Variants in ARHGEF7 observed in about 807,000 individuals in gnomAD.
The protein encoded by ARHGEF7 is Rho guanine nucleotide exchange factor 7.
ARHGEF7 carries 33 observed loss-of-function variants against 109.8 expected under a neutral mutation model. That is an observed-to-expected ratio of 0.30 (90% confidence interval 0.23 to 0.40). ARHGEF7 has a LOEUF of 0.40. Among genes scored for constraint, ARHGEF7 ranks in the 10% least tolerant of loss-of-function variants. The pLI is 1.00. For synonymous variants in ARHGEF7, 458 were observed against 424.6 expected (o/e 1.08, Z -0.97); for missense variants, 938 against 1,098.5 (o/e 0.85, Z 2.07).
At chr13:111,130,460 C>T (rs1268890067) in intron 1 of ARHGEF7, among the ~76,000 whole-genome samples, 3 of 152,080 alleles carry the variant, frequency 2.0e-5, no homozygotes, top group Admixed American at 6.5e-5. Context: ...TGAACCTAAT[C>T]GTGAATTTAG....
chr13:111,256,660 C>A (rs1352022905), intron 8 of ARHGEF7, among the ~76,000 whole-genome samples: 2 of 152,202 alleles, frequency 1.3e-5, no homozygotes, highest in African/African-American at 2.4e-5. Flanking sequence ...CTTCGTATTA[C>A]CCACCTGTTG....
chr13:111,256,917 C>T (rs1316097382), intron 8 of ARHGEF7, among the ~76,000 whole-genome samples: 9 of 152,264 alleles, frequency 5.9e-5, no homozygotes, highest in East Asian at 1.9e-4. Context: ...GGGGTGACAC[C>T]GCTTTATTCA....
At chr13:111,136,858 A>C (rs988630728) in intron 1 of ARHGEF7, among the ~76,000 whole-genome samples, 1 of 152,220 alleles carries the variant, frequency 6.6e-6, no homozygotes, top group Non-Finnish European at 1.5e-5. Flanking sequence ...CAAGACTAAT[A>C]AAGAAGAAAA....
intron 8 of ARHGEF7, among the ~76,000 whole-genome samples, chr13:111,245,334 G>GT (rs577889212): frequency 2.6e-4 from 40 of 152,178 alleles, no homozygotes; most frequent in African/African-American, 9.4e-4. Context: ...GCTGGTTGTC[G>GT]TATAAGAACC....
At chr13:111,293,480 G>GT (rs2093350989) in intron 19 of ARHGEF7, 1 of 983,132 alleles carries the variant, frequency 1.0e-6, no homozygotes, top group East Asian at 1.1e-4. Context: ...GGGATTTGTT[G>GT]TAAGGAGTTT....
rs528503123 is a variant in ARHGEF7 at position 111,152,869 on chromosome 13, C to A, written c.166-1036C>A. ...AGTAATTGGTACTGTTTCTGGTTTCCTTAGTTTCTTGCCGTGGGTAAGGTC... is the reference window on the plus strand; with the variant it reads ...AGTAATTGGTACTGTTTCTGGTTTCATTAGTTTCTTGCCGTGGGTAAGGTC... On this transcript the variant is annotated intron_variant, in intron 1 of 21. Coordinates refer to ENST00000646102, the MANE Select transcript of ARHGEF7 (RefSeq NM_001354046.2). 3.5e-3 allele frequency among the ~76,000 whole-genome samples: 532 copies of A among 152,292 alleles called. 2 individuals are homozygous for A. Among genetic ancestry groups the A allele is most frequent in the African/African-American group, 0.01 (435 of 41,576 alleles).
chr13:111,207,827 A>G lies in ARHGEF7; in HGVS notation c.338-2045A>G, dbSNP rs145702567. On this transcript the variant is annotated intron_variant, in intron 3 of 21. Transcript: ENST00000646102. Reference sequence around the variant, plus strand: ...TAGTTTTTACCTCTACCTTATGGAAATGTATTTTGTATATGTTCTTGGTAT... The same window carrying G: ...TAGTTTTTACCTCTACCTTATGGAAGTGTATTTTGTATATGTTCTTGGTAT... Among the ~76,000 whole-genome samples, 487 of 152,304 alleles carry G rather than the reference A, an allele frequency of 3.2e-3. 1 individual carries two copies. Among genetic ancestry groups the G allele is most frequent in the South Asian group, 0.011 (54 of 4,830 alleles).
At position 111,266,817 on chromosome 13, in the gene ARHGEF7, C is replaced by T. The variant is rs1331942671; in HGVS notation, c.951-731C>T. ...GGTGGTAAGAGTTCACGTGGTTCTC[C>T]TGTTTTCAGCACACGTGCCCCTGCT... On this transcript the variant is annotated intron_variant, in intron 8 of 21. Transcript: ENST00000646102. The surrounding 1 kb of genome is among the most constrained non-coding windows in gnomAD (Gnocchi z 4.8). The T allele has an allele frequency of 4.4e-6, 2 of 455,896 alleles. No individual in the cohort carries two copies. Among genetic ancestry groups the T allele is most frequent in the Non-Finnish European group, 8.8e-6 (2 of 226,808 alleles). The allele number at this position is 455,896 out of a possible 1,614,324, so 28.2% of individuals were successfully genotyped here.
At chr13:111,293,981 C>T in intron 19 of ARHGEF7, 1 of 985,422 alleles carries the variant, frequency 1.0e-6, no homozygotes, top group Non-Finnish European at 1.2e-6. Context: ...GCACAGGAGA[C>T]ATCAGGGCAG....
chr13:111,239,538 G>A lies in ARHGEF7; in HGVS notation c.760-4334G>A, dbSNP rs577787005. Among the ~76,000 whole-genome samples, 3 of 152,182 alleles carry A rather than the reference G, an allele frequency of 2.0e-5. No homozygotes were observed. Among genetic ancestry groups the A allele is most frequent in the South Asian group, 2.1e-4 (1 of 4,820 alleles). On this transcript the variant is annotated intron_variant, in intron 6 of 21. Coordinates refer to ENST00000646102, the MANE Select transcript of ARHGEF7 (RefSeq NM_001354046.2). The surrounding 1 kb of genome is among the most constrained non-coding windows in gnomAD (Gnocchi z 4.3). ...TGACCCTAAACCCTGGCGTTGCTTC[G>A]TCTCTTCATCTTCTGCTTTGCCCTT...
chr13:111,240,857 T>C (rs1255598176), intron 6 of ARHGEF7, among the ~76,000 whole-genome samples: 1 of 152,220 alleles, frequency 6.6e-6, no homozygotes. Flanking sequence ...AAAATTAATG[T>C]TCTTTGTTCT....
intron 2 of ARHGEF7, among the ~76,000 whole-genome samples, chr13:111,161,322 G>C (rs1016029249): frequency 1.3e-5 from 2 of 152,152 alleles, no homozygotes; most frequent in Non-Finnish European, 2.9e-5. Flanking sequence ...AGCTGCCCAT[G>C]ATTATCAGGT....
chr13:111,189,282 C>T (rs566965005), intron 2 of ARHGEF7, among the ~76,000 whole-genome samples: 8 of 152,302 alleles, frequency 5.3e-5, no homozygotes, highest in Non-Finnish European at 1.0e-4. Flanking sequence ...CGCAGACCCT[C>T]GCGGCGAGTG....
intron 1 of ARHGEF7, among the ~76,000 whole-genome samples, chr13:111,151,822 T>G (rs1177898181): frequency 6.6e-6 from 1 of 152,040 alleles, no homozygotes; most frequent in Non-Finnish European, 1.5e-5. Context: ...GCATAGAAAT[T>G]TGAAAAATGT....
At position 111,118,229 on chromosome 13, in the gene ARHGEF7, A is replaced by G. The variant is rs182686046; in HGVS notation, c.165+2538A>G. On this transcript the variant is annotated intron_variant, in intron 1 of 21. Coordinates refer to ENST00000646102, the MANE Select transcript of ARHGEF7 (RefSeq NM_001354046.2). ...AACCATGCCCTAATGTGTTTCTTCC[A>G]TTACGCTCATTTGTTCTGTTTCAGA... is the stretch of plus-strand genomic sequence containing the variant. 4.3e-4 allele frequency among the ~76,000 whole-genome samples: 66 copies of G among 152,340 alleles called. 1 individual carries two copies. The highest frequency in any genetic ancestry group is 7.8e-4 in the Admixed American group (12 of 15,302).
chr13:111,175,968 A>C (rs182352507), intron 2 of ARHGEF7, among the ~76,000 whole-genome samples: 1 of 152,282 alleles, frequency 6.6e-6, no homozygotes, highest in East Asian at 1.9e-4. Flanking sequence ...TTATTAAACC[A>C]TCAGATCTTG....
In ARHGEF7 at chr13:111,205,382, CTT is replaced by C. The variant is rs774072471; in HGVS notation, c.337+14_337+15del. The C allele has an allele frequency of 2.5e-6, 4 of 1,573,000 alleles. No homozygotes were observed. Among genetic ancestry groups the C allele is most frequent in the South Asian group, 1.2e-5 (1 of 84,376 alleles). ...AAATAAAGTAACAGCAGGTAAGACT[CTT>C]TTTTATTGAACTCGAGGGGGTGGGA... On this transcript the variant is annotated intron_variant, in intron 3 of 21. Coordinates refer to ENST00000646102, the MANE Select transcript of ARHGEF7 (RefSeq NM_001354046.2).
At chr13:111,153,599 T>G (rs1473834975) in intron 1 of ARHGEF7, 1 of 1,137,154 alleles carries the variant, frequency 8.8e-7, no homozygotes, top group East Asian at 6.1e-5. Flanking sequence ...CCCGACGCTA[T>G]CCGAAGACGT....
intron 2 of ARHGEF7, among the ~76,000 whole-genome samples, chr13:111,156,080 CAAAAA>C (rs56803261): frequency 0.3 from 37,640 of 123,678 alleles, 5,147 homozygotes; most frequent in African/African-American, 0.32. Context: ...AAGACTCCCT[CAAAAA>C]AAAAAAAAAA....
Sources: allele counts gnomAD v4.1 joint callset (sites outside exome capture counted in the v4.1 genomes callset), GRCh38; gene constraint gnomAD v4.1.1; non-coding constraint Gnocchi (gnomAD v3.1); transcripts MANE v1.5; gene names NCBI Gene and HGNC (gene_info 2026-07-23, HGNC 2026-07-21).